The following PIGR variants were observed in gnomAD, a reference collection of about 807,000 sequenced individuals.
PIGR encodes hepatocellular carcinoma associated protein TB6.
In PIGR, 22 loss-of-function variants were observed where a neutral mutation model predicts 69.5. That is an observed-to-expected ratio of 0.32 (90% confidence interval 0.23 to 0.45). The LOEUF (loss-of-function observed/expected upper bound fraction) is 0.45. PIGR is among the 20% of genes least tolerant of loss of function. The pLI is 1.00. For synonymous variants in PIGR, 413 were observed against 407.6 expected, an observed-to-expected ratio of 1.01 and a Z score of -0.16; for missense variants, 885 against 974.0, an observed-to-expected ratio of 0.91 and a Z score of 1.22.
At chr1:206,933,952 C>A (rs1414862643) in intron 6 of PIGR, among the ~76,000 whole-genome samples, 1 of 151,986 alleles carries the variant, frequency 6.6e-6, no homozygotes, top group Non-Finnish European at 1.5e-5. Flanking sequence ...TCACTGCAAC[C>A]CCTGCCTCTT....
chr1:206,930,982 G>A lies in PIGR; in HGVS notation c.2199+515C>T, dbSNP rs1558010989. ...GAGTCCTAGGGCAGATTGAGGGGAT[G>A]GTATATGGCACCCAAGGCAGGAGTT... On this transcript the variant is annotated intron_variant, in intron 10 of 10. Coordinates refer to ENST00000356495, the MANE Select transcript of PIGR (RefSeq NM_002644.4). This position sits in a 1 kb window ranked among gnomAD's most constrained non-coding sequence, Gnocchi z 4.3. 1 of 985,422 alleles carries A rather than the reference G, an allele frequency of 1.0e-6. No individual in the cohort carries two copies. The highest frequency in any genetic ancestry group is 4.7e-5 in the South Asian group (1 of 21,284). 61.0% of individuals were successfully genotyped at this position (985,422 alleles called of 1,614,324 possible).
chr1:206,932,426 T>C, intron 8 of PIGR, 30 bp downstream of exon 8: 2 of 1,589,764 alleles, frequency 1.3e-6, no homozygotes, highest in South Asian at 2.3e-5. Flanking sequence ...GGGTTGGAGG[T>C]GGGAGGCAGG....
rs1572644460 is a variant in PIGR, at chr1:206,935,887, C to G, written c.1046-69G>C. 2 of 1,230,402 alleles carry G rather than the reference C, an allele frequency of 1.6e-6. No homozygotes were observed. Among genetic ancestry groups the G allele is most frequent in the Non-Finnish European group, 2.3e-6 (2 of 877,078 alleles). 76.2% of individuals were successfully genotyped at this position (1,230,402 alleles called of 1,614,324 possible). A position where few individuals can be genotyped will look rare whatever the true frequency, so the allele number is the denominator to read the frequency against. On this transcript the variant is annotated intron_variant, in intron 4 of 10. Coordinates refer to ENST00000356495, the MANE Select transcript of PIGR (RefSeq NM_002644.4). The surrounding 1 kb of genome is among the most constrained non-coding windows in gnomAD (Gnocchi z 4.4). ...GAAGAGCCTTGCGTGGCCTGAGAAG[C>G]CTTCTTCCCGGGGTCTCAGCCAGGA... is the stretch of plus-strand genomic sequence containing the variant.
Position 206,935,264 on chromosome 1 carries a change from G to A in PIGR, c.1378+222C>T, listed in dbSNP as rs1283540976. ...ACTTCAGCTGATGCCTGCACACTGC[G>A]AAAGAAGCCCATGTTCTTGGTAGTA... On this transcript the variant is annotated intron_variant, in intron 5 of 10. Transcript: ENST00000356495. This position sits in a 1 kb window ranked among gnomAD's most constrained non-coding sequence, Gnocchi z 4.4. Among the ~76,000 whole-genome samples, 8 of 152,164 alleles carry A rather than the reference G, an allele frequency of 5.3e-5. No homozygotes were observed. Among genetic ancestry groups the A allele is most frequent in the African/African-American group, 1.4e-4 (6 of 41,426 alleles).
chr1:206,929,052 G>A lies in PIGR; in HGVS notation c.*1266C>T, dbSNP rs1379743798. ...GTTCGAGACCAGTCTCGTCAACATG[G>A]CGAAACCCTGTCTCTACAAAAAAAA... is the stretch of plus-strand genomic sequence containing the variant. On this transcript the variant is annotated 3_prime_UTR_variant, in exon 11 of 11. Transcript: ENST00000356495. 1 of 138,870 alleles carries A rather than the reference G, an allele frequency of 7.2e-6. No homozygotes were observed. Among genetic ancestry groups the A allele is most frequent in the African/African-American group, 2.9e-5 (1 of 35,072 alleles). The allele number at this position is 138,870 out of a possible 1,614,324, so 8.6% of individuals were successfully genotyped here.
chr1:206,946,216 C>T (rs1680103811), intron 1 of PIGR, 120 bp downstream of exon 1: 1 of 152,612 alleles, frequency 6.6e-6, no homozygotes, highest in African/African-American at 2.4e-5. Context: ...GCCTCCTTGT[C>T]CTTGTCACCC....
At chr1:206,944,875 T>C (rs1236001974) in intron 1 of PIGR, among the ~76,000 whole-genome samples, 1 of 152,210 alleles carries the variant, frequency 6.6e-6, no homozygotes, top group Non-Finnish European at 1.5e-5. Context: ...ACCACTCACA[T>C]AGACTCACGG....
chr1:206,937,313 C>T lies in PIGR; in HGVS notation c.827G>A (p.Gly276Glu). 1 of 1,613,176 alleles carries T rather than the reference C, an allele frequency of 6.2e-7. No homozygotes were observed. The highest frequency in any genetic ancestry group is 8.5e-7 in the Non-Finnish European group (1 of 1,179,432). Residue 276 changes from glycine to glutamate, a missense_variant, in exon 4 of 11, where the codon GGG (glycine) becomes GAG (glutamate). Physicochemically the swap from Gly to Glu is moderately conservative, Grantham distance 98. Transcript: ENST00000356495. ...GTTGACGACCACGTCACAGTTTTCC[C>T]CACTGCTCTGTCGGCACAGAAATTT... ...VAKFLCRQSS[G>E]ENCDVVVNTL...
chr1:206,935,523 A>G lies in PIGR; in HGVS notation c.1341T>C (p.Thr447=). 6.2e-7 allele frequency: 1 copy of G among 1,614,032 alleles called. No homozygotes were observed. The highest frequency in any genetic ancestry group is 1.3e-5 in the African/African-American group (1 of 75,000). ...TGATCTCCACGGTGGTCCTCCAGAG[A>G]GTATCGCCGTTGGTCAGACACCAGT... ...GFYWCLTNGD[T]LWRTTVEIKI... The change falls in exon 5 of 11, where the codon ACT becomes ACC. Residue 447 remains threonine (T), a synonymous_variant. Transcript: ENST00000356495. This position sits in a 1 kb window ranked among gnomAD's most constrained non-coding sequence, Gnocchi z 4.4.
rs573061706 is a variant in PIGR at position 206,937,005 on chromosome 1, A to G, written c.1045+90T>C. On this transcript the variant is annotated intron_variant, in intron 4 of 10. Transcript: ENST00000356495. Reference sequence around the variant, plus strand: ...AGTGGATGCTGTTGGCTGATTGATGACTATTGATGAATACACTCAGAGGGA... The same window carrying G: ...AGTGGATGCTGTTGGCTGATTGATGGCTATTGATGAATACACTCAGAGGGA... 7.6e-6 allele frequency: 9 copies of G among 1,191,194 alleles called. No homozygotes were observed. In the African/African-American group the frequency reaches 1.1e-4, roughly 14 times the overall value. The allele number at this position is 1,191,194 out of a possible 1,614,324, so 73.8% of individuals were successfully genotyped here.
intron 5 of PIGR, 80 bp from the exon 6 acceptor site, chr1:206,934,826 C>A: frequency 1.0e-6 from 1 of 952,416 alleles, no homozygotes; most frequent in Admixed American, 2.4e-5. Flanking sequence ...TGGTGGGAAT[C>A]TTTGTCCACA....
At chr1:206,945,336 A>G (rs1018008273) in intron 1 of PIGR, among the ~76,000 whole-genome samples, 6 of 152,214 alleles carry the variant, frequency 3.9e-5, no homozygotes, top group African/African-American at 1.4e-4. Context: ...CACTGTGGCA[A>G]TTGCACAAAG....
Position 206,930,130 on chromosome 1 carries a change from C to T in PIGR, c.*188G>A. 2.2e-6 allele frequency: 1 copy of T among 461,802 alleles called. No homozygotes were observed. The highest frequency in any genetic ancestry group is 3.8e-6 in the Non-Finnish European group (1 of 264,264). The allele number at this position is 461,802 out of a possible 1,614,324, so 28.6% of individuals were successfully genotyped here. On this transcript the variant is annotated 3_prime_UTR_variant, in exon 11 of 11. Coordinates refer to ENST00000356495, the MANE Select transcript of PIGR (RefSeq NM_002644.4). This position sits in a 1 kb window ranked among gnomAD's most constrained non-coding sequence, Gnocchi z 4.3. ...GGGACCTCCTCATGCCACCCTCATC[C>T]CCAATAGGAACAATTAGGCCAGGCT...
chr1:206,930,221 AG>A lies in PIGR; in HGVS notation c.*96del. The A allele has an allele frequency of 3.9e-6, 4 of 1,017,074 alleles. No individual in the cohort carries two copies. The highest frequency in any genetic ancestry group is 5.7e-6 in the Non-Finnish European group (4 of 703,566). 63.0% of individuals were successfully genotyped at this position (1,017,074 alleles called of 1,614,324 possible). A position where few individuals can be genotyped will look rare whatever the true frequency, so the allele number is the denominator to read the frequency against. On this transcript the variant is annotated 3_prime_UTR_variant, in exon 11 of 11. Transcript: ENST00000356495. The surrounding 1 kb of genome is among the most constrained non-coding windows in gnomAD (Gnocchi z 4.3). ...AGTAGGAAAAACCTAGGCAGGTGTTAGAGCAGGGAGTGGGGTCCCCAGGAGC... is the reference window on the plus strand; with the variant it reads ...AGTAGGAAAAACCTAGGCAGGTGTTAAGCAGGGAGTGGGGTCCCCAGGAGC...
intron 3 of PIGR, 41 bp from the exon 4 acceptor site, chr1:206,937,792 C>A (rs763303966): frequency 3.8e-6 from 6 of 1,575,082 alleles, no homozygotes; most frequent in South Asian, 2.3e-5. Flanking sequence ...AGGCAAGTTA[C>A]GATTCTACTT....
chr1:206,938,417 A>G (rs1258228671), intron 3 of PIGR, among the ~76,000 whole-genome samples: 1 of 152,216 alleles, frequency 6.6e-6, no homozygotes, highest in African/African-American at 2.4e-5. Context: ...AGACAATAGT[A>G]TGCATATTCC....
In PIGR at chr1:206,940,486, C is replaced by T; in HGVS notation, c.43+3G>A. On this transcript the variant is annotated splice_donor_region_variant and intron_variant, in intron 2 of 10. Coordinates refer to ENST00000356495, the MANE Select transcript of PIGR (RefSeq NM_002644.4). ...TTGGAGAGTTGGGGCCTGGCAGACA[C>T]ACCTGGGAAGACCGCCAGCAGGCAG... 1 of 1,551,504 alleles carries T rather than the reference C, an allele frequency of 6.4e-7. No individual in the cohort carries two copies. The highest frequency in any genetic ancestry group is 8.7e-7 in the Non-Finnish European group (1 of 1,146,942).
chr1:206,930,858 G>A lies in PIGR; in HGVS notation c.2200-445C>T. The A allele has an allele frequency of 1.0e-6, 1 of 985,416 alleles. No individual in the cohort carries two copies. Among genetic ancestry groups the A allele is most frequent in the African/African-American group, 1.7e-5 (1 of 57,358 alleles). The allele number at this position is 985,416 out of a possible 1,614,324, so 61.0% of individuals were successfully genotyped here. A position where few individuals can be genotyped will look rare whatever the true frequency, so the allele number is the denominator to read the frequency against. Reference sequence around the variant, plus strand: ...TCTAACTTTGCTAAATGCCAGAGATGTTTCAAGAAAAAGTAGATATGATAA... The same window carrying A: ...TCTAACTTTGCTAAATGCCAGAGATATTTCAAGAAAAAGTAGATATGATAA... On this transcript the variant is annotated intron_variant, in intron 10 of 10. Transcript: ENST00000356495. This position sits in a 1 kb window ranked among gnomAD's most constrained non-coding sequence, Gnocchi z 4.3.
At chr1:206,936,688 G>T (rs1258691859) in intron 4 of PIGR, among the ~76,000 whole-genome samples, 1 of 152,156 alleles carries the variant, frequency 6.6e-6, no homozygotes, top group Non-Finnish European at 1.5e-5. Flanking sequence ...TTGAGACCAA[G>T]ATAAGCCAAT....
Sources: allele counts gnomAD v4.1 joint callset (sites outside exome capture counted in the v4.1 genomes callset), GRCh38; gene constraint gnomAD v4.1.1; non-coding constraint Gnocchi (gnomAD v3.1); transcripts MANE v1.5; gene names NCBI Gene and HGNC (gene_info 2026-07-23, HGNC 2026-07-21).